ZFAND3: variants seen among roughly 807,000 people sequenced by gnomAD.
ZFAND3 encodes zinc finger AN1-type containing 3, also known as AN1-type zinc finger protein 3.
In ZFAND3, 10 loss-of-function variants were observed where a neutral mutation model predicts 29.6. The ratio of observed to expected loss-of-function variants is 0.34; its 90% CI spans 0.21 to 0.57. ZFAND3 has a LOEUF of 0.57. Ranked by LOEUF, ZFAND3 falls within the 20% of genes least tolerant of loss-of-function variation. ZFAND3 has a pLI of 0.86. For synonymous variants in ZFAND3, 128 were observed against 112.6 expected, an observed-to-expected ratio of 1.14 and a Z score of -0.87; for missense variants, 230 against 304.5, an observed-to-expected ratio of 0.76 and a Z score of 1.82.
At chr6:38,132,105 G>A (rs1420704719) in intron 5 of ZFAND3, among the ~76,000 whole-genome samples, 1 of 152,190 alleles carries the variant, frequency 6.6e-6, no homozygotes, top group African/African-American at 2.4e-5. Flanking sequence ...TTGCTTGCTT[G>A]AATTAAAATT....
intron 5 of ZFAND3, among the ~76,000 whole-genome samples, chr6:38,125,511 T>TC (rs1765618297): frequency 6.6e-6 from 1 of 152,146 alleles, no homozygotes; most frequent in East Asian, 1.9e-4. Context: ...GCAGGGCACA[T>TC]CCGCTGCAGC....
In ZFAND3 at chr6:38,153,657, G is replaced by A. The variant is rs187886780; in HGVS notation, c.*1268G>A. 3.3e-4 allele frequency: 322 copies of A among 985,358 alleles called. No individual in the cohort carries two copies. The African/African-American group carries it at 4.3e-3, about 13-fold the overall frequency. The allele number at this position is 985,358 out of a possible 1,614,324, so 61.0% of individuals were successfully genotyped here. A position where few individuals can be genotyped will look rare whatever the true frequency, so the allele number is the denominator to read the frequency against. ...AGAGGATTTCAGCAGCTGCAACTGC[G>A]CACGCCAGGTGGGGAAGGGTGGGGG... On this transcript the variant is annotated 3_prime_UTR_variant, in exon 6 of 6. Transcript: ENST00000287218.
intron 4 of ZFAND3, among the ~76,000 whole-genome samples, chr6:38,104,142 A>G (rs889344291): frequency 2.6e-5 from 4 of 152,176 alleles, no homozygotes; most frequent in African/African-American, 9.7e-5. Context: ...CTGACCAGAC[A>G]CCTCTTTGAG....
chr6:37,893,099 A>T (rs942503185), intron 1 of ZFAND3, among the ~76,000 whole-genome samples: 1 of 152,134 alleles, frequency 6.6e-6, no homozygotes. Context: ...TTCCCAACTC[A>T]TGAGGCCATT....
rs558457307 is a variant in ZFAND3 at position 37,851,851 on chromosome 6, C to T, written c.71+31835C>T. On this transcript the variant is annotated intron_variant, in intron 1 of 5. Transcript: ENST00000287218. ...ACCAGCTATTATAGTGTAAGTTGCA[C>T]ATTGCCTGTTTGAGCTCCCTCAGTA... Among the ~76,000 whole-genome samples the T allele has an allele frequency of 5.6e-4, 85 of 152,308 alleles. No homozygotes were observed. In the South Asian group the frequency reaches 0.011, roughly 19 times the overall value.
At chr6:38,072,908 T>A (rs1029613684) in intron 3 of ZFAND3, among the ~76,000 whole-genome samples, 2 of 152,242 alleles carry the variant, frequency 1.3e-5, no homozygotes, top group Admixed American at 6.5e-5. Flanking sequence ...ATTTTTAAAA[T>A]TCTGAAATAT....
intron 2 of ZFAND3, among the ~76,000 whole-genome samples, chr6:37,932,139 C>T (rs904266801): frequency 2.6e-5 from 4 of 151,900 alleles, no homozygotes; most frequent in African/African-American, 4.8e-5. Context: ...TGTGGTGGCC[C>T]GTGCCTGTAA....
intron 1 of ZFAND3, among the ~76,000 whole-genome samples, chr6:37,925,839 T>A (rs768736083): frequency 3.3e-5 from 5 of 152,216 alleles, no homozygotes; most frequent in Non-Finnish European, 7.3e-5. Context: ...AAATACTAAG[T>A]TTGAGTCAAA....
intron 2 of ZFAND3, among the ~76,000 whole-genome samples, chr6:38,046,629 T>G (rs1307291930): frequency 6.6e-6 from 1 of 152,182 alleles, no homozygotes; most frequent in African/African-American, 2.4e-5. Context: ...ATACATTGAC[T>G]TAGTAACCGG....
At chr6:37,900,563 TC>T (rs753369300) in intron 1 of ZFAND3, among the ~76,000 whole-genome samples, 36 of 152,338 alleles carry the variant, frequency 2.4e-4, no homozygotes, top group Non-Finnish European at 3.5e-4. Flanking sequence ...TAGATTTTTT[TC>T]CCCTCTTTTT....
chr6:37,962,871 C>G (rs898971918), intron 2 of ZFAND3, among the ~76,000 whole-genome samples: 1 of 152,238 alleles, frequency 6.6e-6, no homozygotes, highest in East Asian at 1.9e-4. Flanking sequence ...AGAGCTGTAA[C>G]ACTTACTGTG....
At chr6:37,902,418 A>C (rs868857676) in intron 1 of ZFAND3, among the ~76,000 whole-genome samples, 11 of 152,270 alleles carry the variant, frequency 7.2e-5, no homozygotes, top group Admixed American at 2.0e-4. Context: ...GGCTGTGGTG[A>C]GCTGAGATGA....
intron 5 of ZFAND3, among the ~76,000 whole-genome samples, chr6:38,132,323 C>T (rs1163939434): frequency 6.6e-6 from 1 of 152,042 alleles, no homozygotes; most frequent in Non-Finnish European, 1.5e-5. Flanking sequence ...CCAGCCTGGA[C>T]AATGTAGCAA....
chr6:37,997,471 C>T (rs1762870868), intron 2 of ZFAND3, among the ~76,000 whole-genome samples: 1 of 152,160 alleles, frequency 6.6e-6, no homozygotes. Flanking sequence ...GAACTTAGCT[C>T]AGATGCATGC....
intron 5 of ZFAND3, among the ~76,000 whole-genome samples, chr6:38,121,714 A>G (rs1765537497): frequency 6.6e-6 from 1 of 152,118 alleles, no homozygotes; most frequent in African/African-American, 2.4e-5. Flanking sequence ...ATAATCACGC[A>G]TCCTTCTCAG....
At chr6:38,139,114 T>A (rs1287680472) in intron 5 of ZFAND3, among the ~76,000 whole-genome samples, 1 of 152,062 alleles carries the variant, frequency 6.6e-6, no homozygotes, top group Non-Finnish European at 1.5e-5. Flanking sequence ...AGATGAAAAA[T>A]AAAAGTATTT....
chr6:37,934,838 C>CAA (rs61670894), intron 2 of ZFAND3, among the ~76,000 whole-genome samples: 8 of 70,642 alleles, frequency 1.1e-4, no homozygotes, highest in South Asian at 7.1e-4. Flanking sequence ...GACTCTGTCT[C>CAA]AAAAAAAAAA....
At position 37,896,568 on chromosome 6, in the gene ZFAND3, T is replaced by TTCTTTCTC. The variant is rs1347314739; in HGVS notation, c.72-33388_72-33387insTTCTCTCT. 2.9e-3 allele frequency among the ~76,000 whole-genome samples: 428 copies of TTCTTTCTC among 145,696 alleles called. 5 individuals are homozygous for TTCTTTCTC. In the East Asian group the frequency reaches 0.052, roughly 18 times the overall value. On this transcript the variant is annotated intron_variant, in intron 1 of 5. Transcript: ENST00000287218. ...TTTCTTTCTTTCTTTCTTTCTTTCT[T>TTCTTTCTC]TCTCTCTTTCTCTCTCTTTCTCTTT... is the stretch of plus-strand genomic sequence containing the variant.
At chr6:37,955,054 G>A (rs1762062545) in intron 2 of ZFAND3, among the ~76,000 whole-genome samples, 1 of 151,866 alleles carries the variant, frequency 6.6e-6, no homozygotes, top group African/African-American at 2.4e-5. Flanking sequence ...CCCCTCTGTA[G>A]GTCTCCTGTG....
Sources: allele counts gnomAD v4.1 joint callset (sites outside exome capture counted in the v4.1 genomes callset), GRCh38; gene constraint gnomAD v4.1.1; transcripts MANE v1.5; gene names NCBI Gene and HGNC (gene_info 2026-07-23, HGNC 2026-07-21).